Variants in FMNL2 observed in about 807,000 individuals in gnomAD.
The protein encoded by FMNL2 is formin-like protein 2.
Under a neutral mutation model 130.2 loss-of-function variants are expected in FMNL2, and 51 were observed. That is an observed-to-expected ratio of 0.39 (90% confidence interval 0.31 to 0.49). FMNL2 has a LOEUF of 0.49. FMNL2 is among the 20% of genes least tolerant of loss of function. The pLI, the probability that FMNL2 is intolerant of heterozygous loss-of-function variation, is 0.85. For synonymous variants in FMNL2, 465 were observed against 467.1 expected, an observed-to-expected ratio of 1.00 and a Z score of 0.06; for missense variants, 977 against 1,316.2, an observed-to-expected ratio of 0.74 and a Z score of 3.99.
At chr2:152,375,875 C>A (rs377671279) in intron 1 of FMNL2, among the ~76,000 whole-genome samples, 7,413 of 111,502 alleles carry the variant, frequency 0.066, 248 homozygotes, top group South Asian at 0.11. Context: ...CTCTCTCTCT[C>A]TCTATATATA....
intron 1 of FMNL2, among the ~76,000 whole-genome samples, chr2:152,418,413 A>G (rs918419798): frequency 1.3e-5 from 2 of 152,102 alleles, no homozygotes; most frequent in African/African-American, 4.8e-5. Flanking sequence ...AGAACTTTTC[A>G]TGTTCCCAAA....
At chr2:152,628,815 GAAACTTGGTTCTTTTCTC>G (rs1681975591) in intron 18 of FMNL2, among the ~76,000 whole-genome samples, 1 of 152,160 alleles carries the variant, frequency 6.6e-6, no homozygotes, top group Non-Finnish European at 1.5e-5. Flanking sequence ...AGGGGACAAA[GAAACTTGGTTCTTTTCTC>G]AAACTTGGTT....
At chr2:152,484,636 T>C (rs1473382802) in intron 1 of FMNL2, among the ~76,000 whole-genome samples, 1 of 152,014 alleles carries the variant, frequency 6.6e-6, no homozygotes, top group Non-Finnish European at 1.5e-5. Flanking sequence ...CCGAGCATGG[T>C]GGGTAGTCCC....
chr2:152,540,925 G>A (rs1694278484), intron 2 of FMNL2, among the ~76,000 whole-genome samples: 1 of 152,176 alleles, frequency 6.6e-6, no homozygotes, highest in Admixed American at 6.5e-5. Flanking sequence ...AGCAAGCAAG[G>A]CTTCAGTGGA....
At position 152,521,478 on chromosome 2, in the gene FMNL2, CT is replaced by C. The variant is rs570777199; in HGVS notation, c.118-453del. Among the ~76,000 whole-genome samples, 111 of 149,828 alleles carry C rather than the reference CT, an allele frequency of 7.4e-4. 1 individual carries two copies. In the South Asian group the frequency reaches 0.016, roughly 22 times the overall value. Reference sequence around the variant, plus strand: ...GGACAAAAAATAGTTGCATTGTTGTCTTTTTTTTTTTTAATTCTTTTCCTCA... The same window carrying C: ...GGACAAAAAATAGTTGCATTGTTGTCTTTTTTTTTTTAATTCTTTTCCTCA... On this transcript the variant is annotated intron_variant, in intron 1 of 25. Transcript: ENST00000288670.
chr2:152,361,047 C>T (rs1006750417), intron 1 of FMNL2, among the ~76,000 whole-genome samples: 2 of 152,124 alleles, frequency 1.3e-5, no homozygotes, highest in Non-Finnish European at 2.9e-5. Flanking sequence ...ATAATTAAGA[C>T]TCAAGAAGAT....
At chr2:152,549,145 T>C in intron 4 of FMNL2, 48 bp downstream of exon 4, 2 of 1,342,356 alleles carry the variant, frequency 1.5e-6, no homozygotes, top group East Asian at 2.5e-5. Flanking sequence ...TTGGACACTT[T>C]ACAAAGTAAC....
In FMNL2 at chr2:152,558,819, G is replaced by T. The variant is rs201635793; in HGVS notation, c.439G>T (p.Val147Leu). 366 of 1,612,568 alleles carry T rather than the reference G, an allele frequency of 2.3e-4. No individual in the cohort carries two copies. Among genetic ancestry groups the T allele is most frequent in the Non-Finnish European group, 3.0e-4 (351 of 1,179,382 alleles). ...VEYLSFAQYA[V>L]TFDFESVEST... ...ATATCTCTCATTTGCACAGTACGCG[G>T]TAACGTAAGTAAAACTTGGCTTGCT... is the stretch of plus-strand genomic sequence containing the variant. The change falls in exon 5 of 26, where the codon GTA becomes TTA. Residue 147 changes from valine (V) to leucine (L), a missense_variant. This residue lies in a region of FMNL2 where 689 missense variants were observed against 995.9 expected (regional missense o/e 0.69). Transcript: ENST00000288670.
intron 1 of FMNL2, among the ~76,000 whole-genome samples, chr2:152,345,006 C>G (rs1281333338): frequency 1.3e-5 from 2 of 152,096 alleles, no homozygotes; most frequent in Admixed American, 1.3e-4. Flanking sequence ...ATAATGTAAG[C>G]AAATAGACAT....
chr2:152,648,494 GA>G lies in FMNL2; in HGVS notation c.*590del, dbSNP rs1337121331. ...TTCACATTCTACTACTTCTGCGCTA[GA>G]GAACGATGCTCTGTGAGAGGCATTC... On this transcript the variant is annotated 3_prime_UTR_variant, in exon 26 of 26. Transcript: ENST00000288670. The G allele has an allele frequency of 6.5e-6, 1 of 153,482 alleles. No individual in the cohort carries two copies. Among genetic ancestry groups the G allele is most frequent in the Non-Finnish European group, 1.5e-5 (1 of 68,794 alleles). 9.5% of individuals were successfully genotyped at this position (153,482 alleles called of 1,614,324 possible).
intron 1 of FMNL2, among the ~76,000 whole-genome samples, chr2:152,409,171 C>T (rs566382382): frequency 9.2e-5 from 14 of 151,994 alleles, no homozygotes; most frequent in Non-Finnish European, 1.6e-4. Context: ...CAAAGATGCT[C>T]CAAAGAAATA....
At chr2:152,597,815 G>C (rs1251579188) in intron 9 of FMNL2, among the ~76,000 whole-genome samples, 1 of 152,198 alleles carries the variant, frequency 6.6e-6, no homozygotes, top group African/African-American at 2.4e-5. Context: ...CTGTCATCTT[G>C]GGCTGGGTGG....
chr2:152,491,491 C>A (rs1691189095), intron 1 of FMNL2, among the ~76,000 whole-genome samples: 1 of 152,176 alleles, frequency 6.6e-6, no homozygotes, highest in Admixed American at 6.5e-5. Flanking sequence ...GGATCACTAA[C>A]CAGAAATAAG....
chr2:152,366,906 G>T (rs902400062), intron 1 of FMNL2, among the ~76,000 whole-genome samples: 1 of 152,100 alleles, frequency 6.6e-6, no homozygotes, highest in African/African-American at 2.4e-5. Context: ...GGAGGTTGAG[G>T]CCTTCATCTG....
In FMNL2 at chr2:152,617,186, C is replaced by T. The variant is rs749090031; in HGVS notation, c.1308C>T (p.Val436=). Residue 436 remains valine, a synonymous_variant, in exon 13 of 26, where the codon GTC becomes GTT. Transcript: ENST00000288670. ...QLMQRNKELD[V]VREIYKDANT... ...TGCAGAGGAACAAGGAGCTGGATGT[C>T]GTTCGGGTAAGTGTAATGATGACAA... is the stretch of plus-strand genomic sequence containing the variant. 8.7e-6 allele frequency: 14 copies of T among 1,613,680 alleles called. No individual in the cohort carries two copies. Among genetic ancestry groups the T allele is most frequent in the East Asian group, 4.5e-5 (2 of 44,886 alleles).
Position 152,628,505 on chromosome 2 carries a change from T to G in FMNL2, c.2372T>G (p.Phe791Cys), listed in dbSNP as rs758572508. The stretch of plus-strand genomic sequence containing the variant: ...ACCATCATGGCCTTCATTGGGAACT[T>G]TGCTGAAAGCATTCAGATGCTGACT... Reference protein sequence around the residue: ...KMTIMAFIGNFAESIQMLTPQ... With the variant: ...KMTIMAFIGNCAESIQMLTPQ... The change falls in exon 18 of 26, where the codon TTT (phenylalanine) becomes TGT (cysteine). Residue 791 changes from phenylalanine to cysteine, a missense_variant. Physicochemically the swap from Phe to Cys is radical, Grantham distance 205. Coordinates refer to ENST00000288670, the MANE Select transcript of FMNL2 (RefSeq NM_052905.4). 2 of 1,614,032 alleles carry G rather than the reference T, an allele frequency of 1.2e-6. No individual in the cohort carries two copies. Among genetic ancestry groups the G allele is most frequent in the Non-Finnish European group, 1.7e-6 (2 of 1,179,884 alleles).
chr2:152,407,518 T>C (rs994650474), intron 1 of FMNL2, among the ~76,000 whole-genome samples: 4 of 152,166 alleles, frequency 2.6e-5, no homozygotes, highest in Non-Finnish European at 5.9e-5. Flanking sequence ...AGTCCCCAAA[T>C]CTTTTTGTCT....
At chr2:152,410,636 G>A (rs1686228881) in intron 1 of FMNL2, among the ~76,000 whole-genome samples, 1 of 152,196 alleles carries the variant, frequency 6.6e-6, no homozygotes, top group Non-Finnish European at 1.5e-5. Context: ...CAGTCAAGGG[G>A]CTCACGCCTG....
At chr2:152,622,433 G>C in intron 15 of FMNL2, 1 of 455,730 alleles carries the variant, frequency 2.2e-6, no homozygotes, top group East Asian at 7.0e-5. Flanking sequence ...ATGTGTCCAA[G>C]AAGCATGAAA....
Sources: gnomAD v4.1 joint callset for allele counts (sites outside exome capture counted in the v4.1 genomes callset) on GRCh38, gnomAD v4.1.1 for gene constraint, gnomAD v4.1.1 regional missense constraint, MANE v1.5 for transcripts, NCBI Gene and HGNC (gene_info 2026-07-23, HGNC 2026-07-21) for gene names.